NETO2: variants seen among roughly 807,000 people sequenced by gnomAD.
NETO2 encodes neuropilin and tolloid-like protein 2.
A neutral mutation model predicts 62.5 loss-of-function variants in NETO2; 28 were observed. That is an observed-to-expected ratio of 0.45 (90% confidence interval 0.33 to 0.61). The LOEUF (loss-of-function observed/expected upper bound fraction) is 0.61, where lower values mean the gene tolerates loss of function less well. Ranked by LOEUF, NETO2 falls within the 20% of genes least tolerant of loss-of-function variation. NETO2 has a pLI of 0.02. For missense variants in NETO2, 548 were observed against 643.2 expected, an observed-to-expected ratio of 0.85 and a Z score of 1.60; for synonymous variants, 214 against 219.1, an observed-to-expected ratio of 0.98 and a Z score of 0.21.
In NETO2 at chr16:47,081,883, A is replaced by C. The variant is rs562159058; in HGVS notation, c.*1338T>G. 6.6e-6 allele frequency: 1 copy of C among 152,620 alleles called. No individual in the cohort carries two copies. Among genetic ancestry groups the C allele is most frequent in the African/African-American group, 2.4e-5 (1 of 41,458 alleles). The allele number at this position is 152,620 out of a possible 1,614,324, so 9.5% of individuals were successfully genotyped here. ...GAAAAATTTATCACAAACTAAATACAGTAACAAAAGGAAAGAAAGAGCTTA... is the reference window on the plus strand; with the variant it reads ...GAAAAATTTATCACAAACTAAATACCGTAACAAAAGGAAAGAAAGAGCTTA... On this transcript the variant is annotated 3_prime_UTR_variant, in exon 9 of 9. Transcript: ENST00000562435.
chr16:47,089,126 TTCTC>T (rs1430154768), intron 7 of NETO2, among the ~76,000 whole-genome samples: 2 of 152,192 alleles, frequency 1.3e-5, no homozygotes, highest in Non-Finnish European at 2.9e-5. Context: ...TTAGACTTCT[TTCTC>T]TATATACAGT....
At chr16:47,120,405 T>C (rs1191703484) in intron 6 of NETO2, among the ~76,000 whole-genome samples, 1 of 152,232 alleles carries the variant, frequency 6.6e-6, no homozygotes, top group Admixed American at 6.5e-5. Context: ...TAGCTATATG[T>C]ATTTATAGGG....
chr16:47,123,354 A>G (rs1211064616), intron 4 of NETO2, among the ~76,000 whole-genome samples: 2 of 152,160 alleles, frequency 1.3e-5, no homozygotes, highest in Admixed American at 6.6e-5. Context: ...AAAATGGTTA[A>G]AGAGAGCTAG....
At chr16:47,103,994 GAATA>G (rs1207777937) in intron 7 of NETO2, among the ~76,000 whole-genome samples, 1 of 152,116 alleles carries the variant, frequency 6.6e-6, no homozygotes, top group Non-Finnish European at 1.5e-5. Context: ...CACTTCTATT[GAATA>G]TATACTGGAA....
chr16:47,136,759 A>C (rs1964368246), intron 1 of NETO2, among the ~76,000 whole-genome samples: 1 of 152,188 alleles, frequency 6.6e-6, no homozygotes, highest in Non-Finnish European at 1.5e-5. Context: ...GAAAGGATGG[A>C]TTTAATAAAT....
chr16:47,095,852 A>C (rs1002795308), intron 7 of NETO2, among the ~76,000 whole-genome samples: 1 of 152,212 alleles, frequency 6.6e-6, no homozygotes, highest in Non-Finnish European at 1.5e-5. Context: ...TAACAGAAAA[A>C]TGTAATTTTT....
intron 7 of NETO2, among the ~76,000 whole-genome samples, chr16:47,093,104 T>C (rs895915123): frequency 1.3e-5 from 2 of 152,204 alleles, no homozygotes; most frequent in Non-Finnish European, 1.5e-5. Context: ...TGTTACTTTA[T>C]AGTGTCAACT....
At chr16:47,119,236 C>G (rs1003992346) in intron 6 of NETO2, among the ~76,000 whole-genome samples, 2 of 151,384 alleles carry the variant, frequency 1.3e-5, no homozygotes, top group African/African-American at 4.9e-5. Flanking sequence ...ACTGCAAGCT[C>G]CGCCTCCTGG....
rs576243600 is a variant in NETO2, at chr16:47,090,771, T to A, written c.884-4432A>T. 2.6e-4 allele frequency among the ~76,000 whole-genome samples: 39 copies of A among 152,348 alleles called. No individual in the cohort carries two copies. The East Asian group carries it at 7.5e-3, about 29-fold the overall frequency. On this transcript the variant is annotated intron_variant, in intron 7 of 8. Coordinates refer to ENST00000562435, the MANE Select transcript of NETO2 (RefSeq NM_018092.5). Reference sequence around the variant, plus strand: ...CTAGAAATTATTTTCCTAAAACTGTTTCTTTCTTAAAGAGTGAGGTATATA... The same window carrying A: ...CTAGAAATTATTTTCCTAAAACTGTATCTTTCTTAAAGAGTGAGGTATATA...
At chr16:47,112,167 C>T (rs1385912566) in intron 6 of NETO2, among the ~76,000 whole-genome samples, 24 of 152,184 alleles carry the variant, frequency 1.6e-4, no homozygotes. Context: ...ATCCTTCCGC[C>T]TCAGCCTCCC....
intron 6 of NETO2, among the ~76,000 whole-genome samples, chr16:47,117,572 T>C: frequency 6.6e-6 from 1 of 152,224 alleles, no homozygotes; most frequent in Non-Finnish European, 1.5e-5. Context: ...GTACTTCTGA[T>C]TGGATAATTT....
At chr16:47,118,797 C>T (rs1191010158) in intron 6 of NETO2, among the ~76,000 whole-genome samples, 1 of 152,208 alleles carries the variant, frequency 6.6e-6, no homozygotes, top group Non-Finnish European at 1.5e-5. Context: ...ATCATTGCAT[C>T]TGTAAACATT....
At chr16:47,092,023 T>C (rs1295391957) in intron 7 of NETO2, among the ~76,000 whole-genome samples, 5 of 150,858 alleles carry the variant, frequency 3.3e-5, no homozygotes, top group Non-Finnish European at 7.4e-5. Context: ...AAAACTGTTT[T>C]GGTTTTTTTT....
intron 7 of NETO2, among the ~76,000 whole-genome samples, chr16:47,108,614 A>C (rs955355217): frequency 6.6e-6 from 1 of 152,220 alleles, no homozygotes; most frequent in Non-Finnish European, 1.5e-5. Flanking sequence ...AGTACTCTTG[A>C]CAATGTGCCA....
chr16:47,094,403 TTTTA>T (rs201234690), intron 7 of NETO2, among the ~76,000 whole-genome samples: 3 of 151,324 alleles, frequency 2.0e-5, no homozygotes, highest in Admixed American at 6.6e-5. Flanking sequence ...GGAAGGTTTG[TTTTA>T]TTTATTTACT....
intron 1 of NETO2, among the ~76,000 whole-genome samples, chr16:47,135,373 T>C (rs1964346270): frequency 6.6e-6 from 1 of 152,168 alleles, no homozygotes; most frequent in African/African-American, 2.4e-5. Flanking sequence ...AATTCAATGA[T>C]AATGTATATA....
At chr16:47,130,367 C>T (rs1366998670) in intron 2 of NETO2, among the ~76,000 whole-genome samples, 1 of 151,964 alleles carries the variant, frequency 6.6e-6, no homozygotes, top group East Asian at 1.9e-4. Context: ...AGACAGTTAA[C>T]GATCAGTTTT....
In NETO2 at chr16:47,129,372, A is replaced by G. The variant is rs1964219842; in HGVS notation, c.92-8T>C. 9 of 1,612,872 alleles carry G rather than the reference A, an allele frequency of 5.6e-6. No homozygotes were observed. The highest frequency in any genetic ancestry group is 5.5e-5 in the South Asian group (5 of 91,066). The stretch of plus-strand genomic sequence containing the variant: ...TTCCAATATTTTGTCCATCTTAGGG[A>G]AAAACGGCATTTAAAACACTCATTA... On this transcript the variant is annotated splice_polypyrimidine_tract_variant and splice_region_variant and intron_variant, in intron 2 of 8. Coordinates refer to ENST00000562435, the MANE Select transcript of NETO2 (RefSeq NM_018092.5).
intron 8 of NETO2, among the ~76,000 whole-genome samples, chr16:47,085,506 C>T (rs1019269265): frequency 6.6e-6 from 1 of 151,918 alleles, no homozygotes; most frequent in Non-Finnish European, 1.5e-5. Context: ...CTCAGCCTCC[C>T]GAGTAGCTGG....
Sources: gnomAD v4.1 joint callset for allele counts (sites outside exome capture counted in the v4.1 genomes callset) on GRCh38, gnomAD v4.1.1 for gene constraint, MANE v1.5 for transcripts, NCBI Gene and HGNC (gene_info 2026-07-23, HGNC 2026-07-21) for gene names.